Variants in RAD51B observed in about 807,000 individuals in gnomAD.
RAD51B encodes RAD51 paralog B.
RAD51B carries 38 observed loss-of-function variants against 42.2 expected under a neutral mutation model. The observed-to-expected ratio is 0.90, with a 90% CI of 0.70 to 1.18. The LOEUF (loss-of-function observed/expected upper bound fraction) is 1.18. RAD51B is among the 50% of genes most tolerant of loss of function. The pLI, the probability that RAD51B is intolerant of heterozygous loss-of-function variation, is 0.00. For synonymous variants in RAD51B, 154 were observed against 145.2 expected (o/e 1.06, Z -0.43); for missense variants, 373 against 400.7 (o/e 0.93, Z 0.59).
Position 68,100,023 on chromosome 14 carries a change from G to A in RAD51B, c.757-191861G>A, listed in dbSNP as rs193050828. Among the ~76,000 whole-genome samples, 448 of 152,230 alleles carry A rather than the reference G, an allele frequency of 2.9e-3. 1 individual carries two copies. Among genetic ancestry groups the A allele is most frequent in the Non-Finnish European group, 4.8e-3 (329 of 68,000 alleles). The stretch of plus-strand genomic sequence containing the variant: ...GGTGAGAGGGAGTGTTTGGACAAGA[G>A]TTAAAATTTCAAAGGGAGGGGGAAG... On this transcript the variant is annotated intron_variant, in intron 7 of 10. Transcript: ENST00000471583.
chr14:68,326,449 G>C (rs1451320672), intron 8 of RAD51B, among the ~76,000 whole-genome samples: 1 of 152,160 alleles, frequency 6.6e-6, no homozygotes, highest in South Asian at 2.1e-4. Context: ...CTACTACCCA[G>C]TAAAAAGAAA....
At chr14:68,531,912 G>A (rs146258435) in intron 10 of RAD51B, among the ~76,000 whole-genome samples, 1 of 152,178 alleles carries the variant, frequency 6.6e-6, no homozygotes, top group Non-Finnish European at 1.5e-5. Flanking sequence ...GAGCCTGGGA[G>A]GTTGAAGCTG....
At chr14:68,347,170 A>G (rs1455033372) in intron 8 of RAD51B, among the ~76,000 whole-genome samples, 1 of 152,144 alleles carries the variant, frequency 6.6e-6, no homozygotes, top group Non-Finnish European at 1.5e-5. Context: ...AGTCCAAGTT[A>G]TGCTCCTTCT....
intron 7 of RAD51B, among the ~76,000 whole-genome samples, chr14:68,148,801 A>G (rs2078310999): frequency 1.3e-5 from 2 of 152,224 alleles, no homozygotes; most frequent in South Asian, 2.1e-4. Flanking sequence ...TAGGCTTTGC[A>G]TTAGATGATT....
chr14:68,156,413 T>C (rs1174978222), intron 7 of RAD51B, among the ~76,000 whole-genome samples: 1 of 151,842 alleles, frequency 6.6e-6, no homozygotes, highest in Non-Finnish European at 1.5e-5. Flanking sequence ...TACCAGCTTT[T>C]AGGGGAATCC....
chr14:68,331,945 C>T (rs1161561382), intron 8 of RAD51B, among the ~76,000 whole-genome samples: 2 of 152,114 alleles, frequency 1.3e-5, no homozygotes, highest in Middle Eastern at 3.4e-3. Context: ...TAACAATACC[C>T]CATTCATATG....
chr14:68,674,686 A>G (rs1893267304), intron 11 of RAD51B, among the ~76,000 whole-genome samples: 1 of 152,144 alleles, frequency 6.6e-6, no homozygotes, highest in Non-Finnish European at 1.5e-5. Context: ...CCCCTCACTT[A>G]TTTAAATATA....
intron 10 of RAD51B, among the ~76,000 whole-genome samples, chr14:68,633,372 G>C (rs773949051): frequency 6.6e-6 from 1 of 152,066 alleles, no homozygotes; most frequent in African/African-American, 2.4e-5. Context: ...TTTTTTATGT[G>C]ATTTCTTAAA....
At chr14:68,098,346 A>C (rs1331440991) in intron 7 of RAD51B, among the ~76,000 whole-genome samples, 1 of 152,284 alleles carries the variant, frequency 6.6e-6, no homozygotes, top group Non-Finnish European at 1.5e-5. Flanking sequence ...TGAACAAAAT[A>C]GTACCTGCCC....
At chr14:68,313,659 C>CT (rs2082003954) in intron 8 of RAD51B, among the ~76,000 whole-genome samples, 1 of 152,168 alleles carries the variant, frequency 6.6e-6, no homozygotes, top group Non-Finnish European at 1.5e-5. Flanking sequence ...ATCTTAGTAC[C>CT]TTGGCACTCA....
At chr14:68,499,187 T>C (rs554492570) in intron 10 of RAD51B, among the ~76,000 whole-genome samples, 1 of 152,290 alleles carries the variant, frequency 6.6e-6, no homozygotes, top group East Asian at 1.9e-4. Context: ...AGGGGCACAA[T>C]GGGTTTTGAA....
intron 7 of RAD51B, among the ~76,000 whole-genome samples, chr14:68,211,485 G>GA (rs1305080311): frequency 1.3e-5 from 2 of 152,108 alleles, no homozygotes; most frequent in Non-Finnish European, 2.9e-5. Context: ...GGGGAAAAAA[G>GA]AAAAATAAAA....
chr14:68,656,539 C>G lies in RAD51B; in HGVS notation c.*11+5683C>G, dbSNP rs1892819126. Among the ~76,000 whole-genome samples the G allele has an allele frequency of 2.6e-5, 4 of 152,164 alleles. No individual in the cohort carries two copies. In the South Asian group the frequency reaches 8.3e-4, roughly 32 times the overall value. On this transcript the variant is annotated intron_variant, in intron 11 of 11. Transcript: ENST00000488612. ...CCCAGCCTCTCTGGGCAGTACTACA[C>G]AGAGCTGGCCTCTGTGAGGGGTGCA...
chr14:67,959,865 C>G (rs540117039), intron 7 of RAD51B, among the ~76,000 whole-genome samples: 19 of 152,066 alleles, frequency 1.2e-4, no homozygotes, highest in African/African-American at 4.6e-4. Context: ...GGATCACTTG[C>G]GGTCAGGAGT....
At chr14:68,488,177 G>A (rs8017506) in intron 10 of RAD51B, among the ~76,000 whole-genome samples, 40 of 143,364 alleles carry the variant, frequency 2.8e-4, no homozygotes, top group African/African-American at 8.7e-4. Flanking sequence ...CAGAAATTAC[G>A]TTCTGTTTCT....
intron 5 of RAD51B, among the ~76,000 whole-genome samples, chr14:67,868,227 C>T (rs978487713): frequency 4.6e-5 from 7 of 152,082 alleles, no homozygotes; most frequent in African/African-American, 9.7e-5. Flanking sequence ...AGTGGGTGCC[C>T]GCACCACATG....
At chr14:68,154,538 C>T (rs1353782855) in intron 7 of RAD51B, among the ~76,000 whole-genome samples, 2 of 152,194 alleles carry the variant, frequency 1.3e-5, no homozygotes, top group African/African-American at 4.8e-5. Flanking sequence ...TCTCTAAGAT[C>T]TCTTCTGTGA....
At chr14:68,527,344 G>A (rs1886998376) in intron 10 of RAD51B, among the ~76,000 whole-genome samples, 1 of 152,244 alleles carries the variant, frequency 6.6e-6, no homozygotes, top group African/African-American at 2.4e-5. Flanking sequence ...CCTCTGGGAT[G>A]TGGGGGAAGG....
intron 7 of RAD51B, among the ~76,000 whole-genome samples, chr14:68,250,250 T>C (rs1314922): frequency 1 from 151,908 of 152,356 alleles, 75,747 homozygotes; most frequent in Middle Eastern, 1. Flanking sequence ...TCTTTATTTT[T>C]ACACTTCTCT....
Sources: allele counts gnomAD v4.1 joint callset (sites outside exome capture counted in the v4.1 genomes callset), GRCh38; gene constraint gnomAD v4.1.1; transcripts MANE v1.5; gene names NCBI Gene and HGNC (gene_info 2026-07-23, HGNC 2026-07-21).